The following CSMD1 variants were observed in gnomAD, a reference collection of about 807,000 sequenced individuals.
The protein encoded by CSMD1 is CUB and sushi domain-containing protein 1.
Under a neutral mutation model 417.5 loss-of-function variants are expected in CSMD1, and 213 were observed. That is an observed-to-expected ratio of 0.51 (90% CI 0.46 to 0.57). The LOEUF (loss-of-function observed/expected upper bound fraction) is 0.57. Ranked by LOEUF, CSMD1 falls within the 20% of genes least tolerant of loss-of-function variation. CSMD1 has a pLI of 0.00. For synonymous variants in CSMD1, 2,862 were observed against 1,736.8 expected (o/e 1.65, Z -16.11); for missense variants, 6,923 against 4,529.7 (o/e 1.53, Z -15.17).
chr8:3,397,666 G>C (rs1041540107), intron 16 of CSMD1, among the ~76,000 whole-genome samples: 13 of 152,320 alleles, frequency 8.5e-5, no homozygotes, highest in African/African-American at 2.9e-4. Flanking sequence ...GTCTGGCTAA[G>C]CGTGAAAGCA....
chr8:3,968,732 G>A (rs746281048), intron 5 of CSMD1, among the ~76,000 whole-genome samples: 2 of 152,148 alleles, frequency 1.3e-5, no homozygotes, highest in Admixed American at 1.3e-4. Flanking sequence ...TGTGTAAATA[G>A]CATTTAAGCA....
chr8:4,478,542 T>C (rs1585141670), intron 2 of CSMD1, among the ~76,000 whole-genome samples: 1 of 152,180 alleles, frequency 6.6e-6, no homozygotes, highest in African/African-American at 2.4e-5. Context: ...TACACTGCCT[T>C]CCATTTAATG....
At chr8:3,243,442 TAG>T (rs1563179047) in intron 26 of CSMD1, among the ~76,000 whole-genome samples, 2 of 135,564 alleles carry the variant, frequency 1.5e-5, no homozygotes, top group Admixed American at 1.6e-4. Flanking sequence ...AGACTTTGAG[TAG>T]GTAAAGGAAA....
chr8:3,795,855 CTATCATGTACAGATATAGAT>C (rs1563088459), intron 5 of CSMD1, among the ~76,000 whole-genome samples: 3 of 85,440 alleles, frequency 3.5e-5, no homozygotes, highest in Admixed American at 1.3e-4. Flanking sequence ...AGATATATAT[CTATCATGTACAGATATAGAT>C]ATATATCTAT....
intron 2 of CSMD1, among the ~76,000 whole-genome samples, chr8:4,456,080 AAAT>A (rs1289335762): frequency 1.3e-4 from 17 of 126,074 alleles, no homozygotes; most frequent in African/African-American, 4.3e-4. Flanking sequence ...AAAAAAAAAA[AAAT>A]GTGAAAGTAC....
chr8:4,097,105 C>G (rs939714834), intron 3 of CSMD1, among the ~76,000 whole-genome samples: 1 of 152,100 alleles, frequency 6.6e-6, no homozygotes, highest in Non-Finnish European at 1.5e-5. Flanking sequence ...CACGGCTGTG[C>G]CTTCCCCTCT....
chr8:3,191,284 C>T (rs1385111715), intron 33 of CSMD1, among the ~76,000 whole-genome samples: 1 of 151,980 alleles, frequency 6.6e-6, no homozygotes, highest in Admixed American at 6.6e-5. Flanking sequence ...GTGAAACCCC[C>T]GTCTCTACTA....
At chr8:4,838,685 AC>A (rs1800651164) in intron 1 of CSMD1, among the ~76,000 whole-genome samples, 1 of 152,120 alleles carries the variant, frequency 6.6e-6, no homozygotes, top group Non-Finnish European at 1.5e-5. Flanking sequence ...TTTATAAGAG[AC>A]CTTTATTTGC....
chr8:4,109,191 C>A (rs573402427), intron 3 of CSMD1, among the ~76,000 whole-genome samples: 44 of 152,050 alleles, frequency 2.9e-4, no homozygotes, highest in African/African-American at 1.1e-3. Flanking sequence ...GGAATAATAG[C>A]CAGAAAAAAA....
At chr8:3,222,966 A>T (rs1472326125) in intron 28 of CSMD1, among the ~76,000 whole-genome samples, 1 of 152,220 alleles carries the variant, frequency 6.6e-6, no homozygotes, top group Non-Finnish European at 1.5e-5. Context: ...CAGATTAAAA[A>T]ATGTAATCCC....
intron 3 of CSMD1, among the ~76,000 whole-genome samples, chr8:4,110,118 G>A (rs550116481): frequency 6.6e-6 from 1 of 152,062 alleles, no homozygotes; most frequent in Non-Finnish European, 1.5e-5. Context: ...CGGTGGAGTT[G>A]GAAAAGTGTC....
At chr8:4,319,085 C>A (rs987642011) in intron 3 of CSMD1, among the ~76,000 whole-genome samples, 1 of 152,154 alleles carries the variant, frequency 6.6e-6, no homozygotes, top group Non-Finnish European at 1.5e-5. Flanking sequence ...GTAGTCCTCA[C>A]ATATACATGC....
intron 3 of CSMD1, among the ~76,000 whole-genome samples, chr8:4,232,024 A>G (rs1159471991): frequency 2.6e-5 from 4 of 152,326 alleles, no homozygotes; most frequent in African/African-American, 9.6e-5. Flanking sequence ...CGTAAGTATG[A>G]AACAATATGT....
At chr8:3,489,440 G>T (rs534376316) in intron 11 of CSMD1, among the ~76,000 whole-genome samples, 1 of 152,260 alleles carries the variant, frequency 6.6e-6, no homozygotes, top group South Asian at 2.1e-4. Context: ...GTTACCAATG[G>T]CTAATAGCTG....
chr8:3,362,186 C>A (rs1365674265), intron 20 of CSMD1, among the ~76,000 whole-genome samples: 1 of 152,172 alleles, frequency 6.6e-6, no homozygotes, highest in Non-Finnish European at 1.5e-5. Flanking sequence ...CAACACCAAT[C>A]TCTGGACTTC....
intron 2 of CSMD1, among the ~76,000 whole-genome samples, chr8:4,617,608 AAAGT>A (rs1164806693): frequency 6.6e-6 from 1 of 152,296 alleles, no homozygotes; most frequent in Admixed American, 6.5e-5. Flanking sequence ...ACCTGGTTAT[AAAGT>A]AAGCTCACTG....
At chr8:4,417,909 G>T (rs542130681) in intron 3 of CSMD1, among the ~76,000 whole-genome samples, 1 of 151,964 alleles carries the variant, frequency 6.6e-6, no homozygotes. Flanking sequence ...TATGTGTAAA[G>T]TATTTGGTAC....
intron 1 of CSMD1, among the ~76,000 whole-genome samples, chr8:4,922,339 A>G (rs969254253): frequency 6.6e-6 from 1 of 152,238 alleles, no homozygotes; most frequent in East Asian, 1.9e-4. Context: ...CCCCATCTCA[A>G]ACTAGCACTT....
intron 4 of CSMD1, among the ~76,000 whole-genome samples, chr8:4,021,835 A>G (rs1479863325): frequency 6.6e-6 from 1 of 152,156 alleles, no homozygotes; most frequent in African/African-American, 2.4e-5. Context: ...CCGGGGCTCT[A>G]GTTGGCTCAG....
Sources: allele counts gnomAD v4.1 joint callset (sites outside exome capture counted in the v4.1 genomes callset), GRCh38; gene constraint gnomAD v4.1.1; transcripts MANE v1.5; gene names NCBI Gene and HGNC (gene_info 2026-07-23, HGNC 2026-07-21).